CPEB2: variants seen among roughly 807,000 people sequenced by gnomAD.
CPEB2 encodes cytoplasmic polyadenylation element binding protein 2.
A neutral mutation model predicts 93.6 loss-of-function variants in CPEB2; 56 were observed. The ratio of observed to expected loss-of-function variants is 0.60; its 90% CI spans 0.48 to 0.75. CPEB2 has a LOEUF of 0.75. CPEB2 is among the 30% of genes least tolerant of loss of function. The pLI, the probability that CPEB2 is intolerant of heterozygous loss-of-function variation, is 0.00. For synonymous variants in CPEB2, 764 were observed against 586.3 expected (o/e 1.30, Z -4.38); for missense variants, 1,579 against 1,395.1 (o/e 1.13, Z -2.10).
rs1271272965 is a variant in CPEB2 at position 15,067,607 on chromosome 4, C to A, written c.*1227C>A. The A allele has an allele frequency of 2.0e-5, 3 of 152,338 alleles. No homozygotes were observed. Among genetic ancestry groups the A allele is most frequent in the African/African-American group, 7.2e-5 (3 of 41,388 alleles). 9.4% of individuals were successfully genotyped at this position (152,338 alleles called of 1,614,324 possible). ...CCAAATGTAAGACCCATAAGAAACC[C>A]ATATTTAAAAATCTGAATTTTTTAG... is the stretch of plus-strand genomic sequence containing the variant. On this transcript the variant is annotated 3_prime_UTR_variant, in exon 12 of 12. Transcript: ENST00000538197.
chr4:15,012,074 G>T (rs1477677755), intron 3 of CPEB2, among the ~76,000 whole-genome samples: 2 of 152,158 alleles, frequency 1.3e-5, no homozygotes, highest in Non-Finnish European at 2.9e-5. Context: ...GTATATAGTT[G>T]CATACCAAAC....
chr4:15,057,678 A>T (rs1728839606), intron 8 of CPEB2, among the ~76,000 whole-genome samples: 1 of 152,144 alleles, frequency 6.6e-6, no homozygotes, highest in Non-Finnish European at 1.5e-5. Flanking sequence ...AAAGATTGAC[A>T]ATTGGTTGTT....
chr4:15,003,569 C>T lies in CPEB2; in HGVS notation c.896C>T (p.Ala299Val). The T allele has an allele frequency of 6.8e-7, 1 of 1,467,020 alleles. No individual in the cohort carries two copies. Among genetic ancestry groups the T allele is most frequent in the Non-Finnish European group, 9.0e-7 (1 of 1,112,946 alleles). The allele number at this position is 1,467,020 out of a possible 1,614,324, so 90.9% of individuals were successfully genotyped here. A position where few individuals can be genotyped will look rare whatever the true frequency, so the allele number is the denominator to read the frequency against. The change falls in exon 1 of 12, where the codon GCG (alanine) becomes GTG (valine). Residue 299 changes from alanine (A) to valine (V), a missense_variant. This residue lies in a region of CPEB2 where 1,411 missense variants were observed against 1,056.0 expected (regional missense o/e 1.34). Transcript: ENST00000538197. Reference protein sequence around the residue: ...GEGSAAESPNAGLASSTPVNP... With the variant: ...GEGSAAESPNVGLASSTPVNP... ...GGCAGCGCCGCCGAGTCCCCCAATG[C>T]GGGCTTGGCCTCCTCGACGCCGGTG...
intron 5 of CPEB2, among the ~76,000 whole-genome samples, chr4:15,037,084 C>T (rs1359359375): frequency 1.3e-5 from 2 of 152,032 alleles, no homozygotes; most frequent in Non-Finnish European, 2.9e-5. Flanking sequence ...AGGCAGATCA[C>T]GAGGTCAGGA....
Position 15,069,974 on chromosome 4 carries a change from C to T in CPEB2, c.*3594C>T, listed in dbSNP as rs1018009476. ...GTAAACACCTTCAGCTTAAATTTTTCGTTAAATATTTTAGTTTATTTTATT... is the reference window on the plus strand; with the variant it reads ...GTAAACACCTTCAGCTTAAATTTTTTGTTAAATATTTTAGTTTATTTTATT... On this transcript the variant is annotated 3_prime_UTR_variant, in exon 12 of 12. Coordinates refer to ENST00000538197, the MANE Select transcript of CPEB2 (RefSeq NM_001177382.2). 4 of 152,016 alleles carry T rather than the reference C, an allele frequency of 2.6e-5. No homozygotes were observed. Among genetic ancestry groups the T allele is most frequent in the South Asian group, 2.1e-4 (1 of 4,788 alleles). The allele number at this position is 152,016 out of a possible 1,614,324, so 9.4% of individuals were successfully genotyped here. A position where few individuals can be genotyped will look rare whatever the true frequency, so the allele number is the denominator to read the frequency against.
intron 11 of CPEB2, among the ~76,000 whole-genome samples, chr4:15,065,120 T>A (rs1011143182): frequency 1.3e-5 from 2 of 152,146 alleles, no homozygotes; most frequent in Non-Finnish European, 2.9e-5. Context: ...GTTCTTGTAA[T>A]CAACTTTTAG....
At chr4:15,013,952 T>C (rs1180455129) in intron 3 of CPEB2, among the ~76,000 whole-genome samples, 1 of 152,056 alleles carries the variant, frequency 6.6e-6, no homozygotes, top group Non-Finnish European at 1.5e-5. Flanking sequence ...CAAGCTGAAG[T>C]TATTAATACA....
intron 10 of CPEB2, among the ~76,000 whole-genome samples, chr4:15,060,890 G>T (rs1034678861): frequency 6.6e-6 from 1 of 152,142 alleles, no homozygotes; most frequent in Non-Finnish European, 1.5e-5. Context: ...AGTGATGGAG[G>T]TGAGGCAATT....
intron 5 of CPEB2, among the ~76,000 whole-genome samples, chr4:15,038,396 T>C (rs1726840281): frequency 6.6e-6 from 1 of 152,196 alleles, no homozygotes; most frequent in Non-Finnish European, 1.5e-5. Context: ...AAAATATTTT[T>C]ATTTGCTTTG....
At chr4:15,049,053 C>G (rs1727982204) in intron 6 of CPEB2, among the ~76,000 whole-genome samples, 1 of 151,000 alleles carries the variant, frequency 6.6e-6, no homozygotes, top group African/African-American at 2.4e-5. Context: ...AGTGAAGATT[C>G]TTGTTAGTAT....
chr4:15,059,180 T>C lies in CPEB2; in HGVS notation c.2581-7T>C. 6.4e-7 allele frequency: 1 copy of C among 1,569,254 alleles called. No homozygotes were observed. Among genetic ancestry groups the C allele is most frequent in the Non-Finnish European group, 8.7e-7 (1 of 1,142,974 alleles). ...GGGAGTAAGACCCAATGTAATTTTC[T>C]TCATAGGTTCAAATACGTCCTTGGA... On this transcript the variant is annotated splice_polypyrimidine_tract_variant and splice_region_variant and intron_variant, in intron 9 of 11. Coordinates refer to ENST00000538197, the MANE Select transcript of CPEB2 (RefSeq NM_001177382.2).
chr4:15,017,537 G>C (rs1724313079), intron 4 of CPEB2: 2 of 268,770 alleles, frequency 7.4e-6, no homozygotes, highest in South Asian at 9.5e-5. Context: ...GAGAATGAAG[G>C]ATGGATCTAA....
chr4:15,011,101 C>CTT (rs201436379), intron 3 of CPEB2, among the ~76,000 whole-genome samples: 6,037 of 125,700 alleles, frequency 0.048, 175 homozygotes, highest in Non-Finnish European at 0.068. Context: ...AATTTCTTTT[C>CTT]TTTTTTTTTT....
intron 11 of CPEB2, among the ~76,000 whole-genome samples, chr4:15,065,314 C>A (rs1163058559): frequency 1.3e-5 from 2 of 152,080 alleles, no homozygotes; most frequent in African/African-American, 2.4e-5. Context: ...ACTCAGTGTT[C>A]TGTTGTCTCC....
intron 5 of CPEB2, among the ~76,000 whole-genome samples, chr4:15,034,696 A>G (rs1418056341): frequency 6.6e-6 from 1 of 152,206 alleles, no homozygotes; most frequent in Non-Finnish European, 1.5e-5. Context: ...ATTTTTTTTA[A>G]AACTTTTTTC....
In CPEB2 at chr4:15,067,833, A is replaced by G. The variant is rs1460102362; in HGVS notation, c.*1453A>G. 1 of 152,382 alleles carries G rather than the reference A, an allele frequency of 6.6e-6. No homozygotes were observed. The highest frequency in any genetic ancestry group is 2.4e-5 in the African/African-American group (1 of 41,388). The allele number at this position is 152,382 out of a possible 1,614,324, so 9.4% of individuals were successfully genotyped here. On this transcript the variant is annotated 3_prime_UTR_variant, in exon 12 of 12. Transcript: ENST00000538197. ...CACTGTTGCATGGAACATTGTTCTT[A>G]ATAGTTGAGAATTGCTTTTTTGAAA...
At chr4:15,047,567 G>T (rs921079902) in intron 6 of CPEB2, among the ~76,000 whole-genome samples, 3 of 152,018 alleles carry the variant, frequency 2.0e-5, no homozygotes, top group Non-Finnish European at 4.4e-5. Context: ...CTAGCATTTA[G>T]AAATAATTTG....
At position 15,040,460 on chromosome 4, in the gene CPEB2, G is replaced by A; in HGVS notation, c.2177-4G>A. On this transcript the variant is annotated splice_region_variant and splice_polypyrimidine_tract_variant and intron_variant, in intron 5 of 11. Coordinates refer to ENST00000538197, the MANE Select transcript of CPEB2 (RefSeq NM_001177382.2). ...TTTACAATTTGTGCTTTGTTTACAT[G>A]CAGCAAGGAGTTATGGGCGAAGACG... is the stretch of plus-strand genomic sequence containing the variant. The A allele has an allele frequency of 6.5e-7, 1 of 1,536,200 alleles. No homozygotes were observed. The highest frequency in any genetic ancestry group is 8.7e-7 in the Non-Finnish European group (1 of 1,146,774).
At chr4:15,030,013 T>G (rs1159289633) in intron 4 of CPEB2, among the ~76,000 whole-genome samples, 2 of 152,044 alleles carry the variant, frequency 1.3e-5, no homozygotes, top group South Asian at 2.1e-4. Context: ...TGGTTTTTTG[T>G]TTTTTACTCT....
Sources: allele counts gnomAD v4.1 joint callset (sites outside exome capture counted in the v4.1 genomes callset), GRCh38; gene constraint gnomAD v4.1.1; regional missense constraint gnomAD v4.1.1; transcripts MANE v1.5; gene names NCBI Gene and HGNC (gene_info 2026-07-23, HGNC 2026-07-21).